FAIM: variants seen among roughly 807,000 people sequenced by gnomAD.
FAIM encodes Fas apoptotic inhibitory molecule, also known as fas apoptotic inhibitory molecule 1.
Under a neutral mutation model 21.2 loss-of-function variants are expected in FAIM, and 14 were observed. That is an observed-to-expected ratio of 0.66 (90% CI 0.44 to 1.03). The LOEUF is 1.03. Ranked by LOEUF, FAIM falls within the 50% of genes least tolerant of loss-of-function variation. The pLI is 0.00. For missense variants in FAIM, 222 were observed against 247.1 expected (o/e 0.90, Z 0.68); for synonymous variants, 86 against 80.4 (o/e 1.07, Z -0.37).
At position 138,611,280 on chromosome 3, in the gene FAIM, G is replaced by GT. The variant is rs375232579; in HGVS notation, c.-17+2354dup. Among the ~76,000 whole-genome samples, 664 of 141,426 alleles carry GT rather than the reference G, an allele frequency of 4.7e-3. 2 individuals carry two copies. The highest frequency in any genetic ancestry group is 0.014 in the African/African-American group (552 of 38,758). The allele number at this position is 141,426 out of a possible 152,430, so 92.8% of individuals were successfully genotyped here. ...CACCTGCATTTTTTTTTCTTTTTTT[G>GT]TTTTTTTTTTTAACAACGTTACTGA... is the stretch of plus-strand genomic sequence containing the variant. On this transcript the variant is annotated intron_variant, in intron 1 of 5. Coordinates refer to ENST00000360570, the MANE Select transcript of FAIM (RefSeq NM_001033031.2).
chr3:138,613,825 C>G (rs1408046006), intron 1 of FAIM, among the ~76,000 whole-genome samples: 1 of 152,034 alleles, frequency 6.6e-6, no homozygotes. Context: ...CTATTTTTTT[C>G]TTTTGCTGCT....
intron 1 of FAIM, among the ~76,000 whole-genome samples, chr3:138,613,547 A>G (rs2042794063): frequency 1.3e-5 from 2 of 152,092 alleles, no homozygotes; most frequent in African/African-American, 4.8e-5. Flanking sequence ...CAGTGGTGCA[A>G]TCACAGCTCA....
intron 4 of FAIM, among the ~76,000 whole-genome samples, chr3:138,625,957 A>G (rs2042934288): frequency 6.6e-6 from 1 of 152,204 alleles, no homozygotes; most frequent in Admixed American, 6.5e-5. Context: ...CAGCTCTTGT[A>G]GTCTCCACAC....
At chr3:138,627,182 C>CTTTT (rs1188996564) in intron 4 of FAIM, among the ~76,000 whole-genome samples, 1 of 141,764 alleles carries the variant, frequency 7.1e-6, no homozygotes, top group Non-Finnish European at 1.5e-5. Flanking sequence ...GGCTTTTTTA[C>CTTTT]TTTTTTTTTT....
chr3:138,613,400 A>G (rs1280155636), intron 1 of FAIM, among the ~76,000 whole-genome samples: 3 of 152,178 alleles, frequency 2.0e-5, no homozygotes, highest in Non-Finnish European at 4.4e-5. Flanking sequence ...TGAAACCTCT[A>G]TCAGATATAT....
At chr3:138,623,757 G>A (rs2042912706) in intron 4 of FAIM, among the ~76,000 whole-genome samples, 1 of 152,046 alleles carries the variant, frequency 6.6e-6, no homozygotes, top group Non-Finnish European at 1.5e-5. Context: ...GCCACCCTAG[G>A]CTTTCTTTCA....
chr3:138,626,483 TATTA>T (rs921759783), intron 4 of FAIM, among the ~76,000 whole-genome samples: 4 of 152,212 alleles, frequency 2.6e-5, no homozygotes, highest in African/African-American at 9.6e-5. Flanking sequence ...TTTATTCACT[TATTA>T]TATTCCGAAG....
intron 1 of FAIM, among the ~76,000 whole-genome samples, chr3:138,612,291 C>T (rs777141698): frequency 3.3e-5 from 5 of 151,906 alleles, no homozygotes; most frequent in Admixed American, 6.6e-5. Flanking sequence ...TTAGTAGAGA[C>T]GGGGTTTCAC....
chr3:138,621,824 C>T (rs1259417864), intron 3 of FAIM, among the ~76,000 whole-genome samples: 1 of 151,840 alleles, frequency 6.6e-6, no homozygotes, highest in Non-Finnish European at 1.5e-5. Flanking sequence ...GCTGTGTCAC[C>T]CAGGCTGGAG....
rs770135085 is a variant in FAIM at position 138,621,565 on chromosome 3, A to G, written c.177+26A>G. On this transcript the variant is annotated intron_variant, in intron 3 of 5. Coordinates refer to ENST00000360570, the MANE Select transcript of FAIM (RefSeq NM_001033031.2). ...GTAGGAAGAAAATATGTTACTTTGT[A>G]AAATATGATATATAGAGAAACTTGA... The G allele has an allele frequency of 1.6e-5, 26 of 1,601,376 alleles. 1 individual carries two copies. In the South Asian group the frequency reaches 2.8e-4, roughly 17 times the overall value.
At chr3:138,621,598 A>G (rs1314075506) in intron 3 of FAIM, 59 bp downstream of exon 3, 2 of 1,507,292 alleles carry the variant, frequency 1.3e-6, no homozygotes, top group South Asian at 2.4e-5. Flanking sequence ...TGATTTTGTT[A>G]AAGTAGCATC....
chr3:138,625,472 A>C (rs1448877825), intron 4 of FAIM, among the ~76,000 whole-genome samples: 1 of 152,154 alleles, frequency 6.6e-6, no homozygotes, highest in Non-Finnish European at 1.5e-5. Flanking sequence ...CAAAAAAAAA[A>C]AAAATTGATA....
In FAIM at chr3:138,622,567, A is replaced by AT. The variant is rs1185743323; in HGVS notation, c.406+157dup. On this transcript the variant is annotated intron_variant, in intron 4 of 5. Coordinates refer to ENST00000360570, the MANE Select transcript of FAIM (RefSeq NM_001033031.2). ...TCATTTGTTTAGAAACATTAAAAAA[A>AT]TTTTTTGTTTCCTATCTGCTTGGGA... is the stretch of plus-strand genomic sequence containing the variant. 13 of 591,558 alleles carry AT rather than the reference A, an allele frequency of 2.2e-5. No individual in the cohort carries two copies. The East Asian group carries it at 3.0e-4, about 13-fold the overall frequency. 36.6% of individuals were successfully genotyped at this position (591,558 alleles called of 1,614,324 possible).
intron 1 of FAIM, among the ~76,000 whole-genome samples, chr3:138,609,582 T>TCC (rs1577002158): frequency 3.9e-4 from 9 of 22,922 alleles, no homozygotes; most frequent in Non-Finnish European, 4.2e-4. Context: ...CTCTCGACTC[T>TCC]CTCTCTCTCG....
chr3:138,622,456 T>TA, intron 4 of FAIM, 40 bp downstream of exon 4: 5 of 1,197,876 alleles, frequency 4.2e-6, no homozygotes, highest in Non-Finnish European at 5.9e-6. Flanking sequence ...TTTTTTTTTT[T>TA]TATAATGTCT....
chr3:138,624,602 G>T (rs1199967385), intron 4 of FAIM, among the ~76,000 whole-genome samples: 2 of 152,104 alleles, frequency 1.3e-5, no homozygotes, highest in African/African-American at 4.8e-5. Context: ...ATATGTTATT[G>T]ATATTGCTTG....
chr3:138,610,839 T>TC (rs1443582787), intron 1 of FAIM: 1 of 798,890 alleles, frequency 1.3e-6, no homozygotes, highest in Non-Finnish European at 2.1e-6. Context: ...CGCCTTGACC[T>TC]CCCAAAGTGC....
chr3:138,632,153 C>T (rs770647201), intron 5 of FAIM, among the ~76,000 whole-genome samples: 1 of 150,860 alleles, frequency 6.6e-6, no homozygotes, highest in Non-Finnish European at 1.5e-5. Context: ...TAATATGAGG[C>T]ACAGATAGGA....
chr3:138,625,543 C>A (rs2042930493), intron 4 of FAIM, among the ~76,000 whole-genome samples: 1 of 151,962 alleles, frequency 6.6e-6, no homozygotes, highest in South Asian at 2.1e-4. Flanking sequence ...ATGGGCTTAT[C>A]TAGAGTCTCC....
Sources: allele counts gnomAD v4.1 joint callset (sites outside exome capture counted in the v4.1 genomes callset), GRCh38; gene constraint gnomAD v4.1.1; transcripts MANE v1.5; gene names NCBI Gene and HGNC (gene_info 2026-07-23, HGNC 2026-07-21).